The following ERBB4 variants were observed in gnomAD, a reference collection of about 807,000 sequenced individuals.
ERBB4 encodes erb-b2 receptor tyrosine kinase 4.
Under a neutral mutation model 158.0 loss-of-function variants are expected in ERBB4, and 42 were observed. The observed-to-expected ratio is 0.27, with a 90% CI of 0.21 to 0.34. The LOEUF is 0.34. Among genes scored for constraint, ERBB4 ranks in the 10% least tolerant of loss-of-function variants. ERBB4 has a pLI of 1.00. For missense variants in ERBB4, 1,333 were observed against 1,624.1 expected, an observed-to-expected ratio of 0.82 and a Z score of 3.08; for synonymous variants, 583 against 558.7, an observed-to-expected ratio of 1.04 and a Z score of -0.61.
chr2:211,957,990 T>C (rs903266309), intron 2 of ERBB4, among the ~76,000 whole-genome samples: 2 of 152,088 alleles, frequency 1.3e-5, no homozygotes, highest in African/African-American at 4.8e-5. Flanking sequence ...CCTTTGAGGA[T>C]GCAAAAGTTA....
chr2:212,512,288 C>T (rs951875520), intron 1 of ERBB4, among the ~76,000 whole-genome samples: 2 of 151,626 alleles, frequency 1.3e-5, no homozygotes, highest in Admixed American at 6.6e-5. Context: ...AAGTACTTAA[C>T]CTCTCTTTAT....
intron 20 of ERBB4, among the ~76,000 whole-genome samples, chr2:211,436,016 G>A (rs1052571876): frequency 6.6e-6 from 1 of 151,956 alleles, no homozygotes; most frequent in African/African-American, 2.4e-5. Context: ...GAGTGCAGTG[G>A]CATGATCAGG....
chr2:212,019,752 A>G (rs1358132060), intron 2 of ERBB4, among the ~76,000 whole-genome samples: 1 of 100,052 alleles, frequency 1.0e-5, no homozygotes, highest in Non-Finnish European at 2.0e-5. Flanking sequence ...ACAAAGCAAC[A>G]TTCTGTAAAA....
At chr2:211,423,342 T>C (rs2063551705) in intron 23 of ERBB4, among the ~76,000 whole-genome samples, 1 of 151,960 alleles carries the variant, frequency 6.6e-6, no homozygotes, top group East Asian at 1.9e-4. Context: ...GGGTCCAAAG[T>C]CTCTTATTAA....
intron 1 of ERBB4, among the ~76,000 whole-genome samples, chr2:212,140,422 T>TTA (rs59116532): frequency 0.076 from 11,139 of 146,828 alleles, 824 homozygotes; most frequent in African/African-American, 0.19. Flanking sequence ...TATATATATG[T>TTA]TATATATATA....
chr2:211,416,013 C>CTCTG (rs1223196928), intron 25 of ERBB4, among the ~76,000 whole-genome samples: 5 of 152,166 alleles, frequency 3.3e-5, no homozygotes, highest in African/African-American at 1.2e-4. Context: ...GCTACAATTT[C>CTCTG]TCTGTCTTCC....
At chr2:212,389,196 T>C (rs990444285) in intron 1 of ERBB4, among the ~76,000 whole-genome samples, 1 of 152,054 alleles carries the variant, frequency 6.6e-6, no homozygotes, top group East Asian at 1.9e-4. Flanking sequence ...GTGATGTAGT[T>C]ACATAATGAT....
At chr2:211,826,202 A>C (rs986516014) in intron 3 of ERBB4, among the ~76,000 whole-genome samples, 1 of 151,764 alleles carries the variant, frequency 6.6e-6, no homozygotes, top group African/African-American at 2.4e-5. Context: ...GAATTGCACA[A>C]AATTAGTAAG....
intron 15 of ERBB4, among the ~76,000 whole-genome samples, chr2:211,658,221 A>C (rs918466371): frequency 5.3e-5 from 8 of 152,236 alleles, no homozygotes; most frequent in African/African-American, 1.7e-4. Flanking sequence ...GAAATTTTAC[A>C]CTGGTTCTGT....
chr2:212,111,022 T>TTCCC (rs2079388425), intron 2 of ERBB4, among the ~76,000 whole-genome samples: 1 of 152,190 alleles, frequency 6.6e-6, no homozygotes, highest in Non-Finnish European at 1.5e-5. Flanking sequence ...GCAAAGCACA[T>TTCCC]TTCCAATGAG....
At chr2:212,112,446 TA>T (rs1288817640) in intron 2 of ERBB4, among the ~76,000 whole-genome samples, 1 of 151,662 alleles carries the variant, frequency 6.6e-6, no homozygotes, top group South Asian at 2.1e-4. Flanking sequence ...ATTTTTATTT[TA>T]TTTTTTTTTT....
chr2:211,390,099 C>T (rs531493021), intron 25 of ERBB4, among the ~76,000 whole-genome samples: 9 of 152,110 alleles, frequency 5.9e-5, no homozygotes, highest in African/African-American at 9.7e-5. Flanking sequence ...AGTGATAGTA[C>T]AGGAAATATG....
chr2:212,090,720 T>C (rs991258152), intron 2 of ERBB4, among the ~76,000 whole-genome samples: 10 of 152,304 alleles, frequency 6.6e-5, no homozygotes, highest in East Asian at 5.8e-4. Context: ...GTCTGTCCAC[T>C]TCAGATGCTA....
At chr2:212,174,418 T>C (rs2081602552) in intron 1 of ERBB4, among the ~76,000 whole-genome samples, 1 of 152,108 alleles carries the variant, frequency 6.6e-6, no homozygotes, top group East Asian at 1.9e-4. Flanking sequence ...TTAAATGCTA[T>C]TTCAGAATAG....
At chr2:212,451,645 T>C (rs559108912) in intron 1 of ERBB4, among the ~76,000 whole-genome samples, 52 of 152,304 alleles carry the variant, frequency 3.4e-4, no homozygotes, top group African/African-American at 1.1e-3. Context: ...AACCTAACAG[T>C]GCTACACAAA....
intron 2 of ERBB4, among the ~76,000 whole-genome samples, chr2:211,984,454 G>A (rs1053100676): frequency 2.0e-5 from 3 of 152,026 alleles, no homozygotes; most frequent in African/African-American, 7.2e-5. Flanking sequence ...ATTTTCAAAG[G>A]TACAGCAAAA....
intron 20 of ERBB4, among the ~76,000 whole-genome samples, chr2:211,506,268 G>T (rs892167690): frequency 6.6e-6 from 1 of 151,992 alleles, no homozygotes; most frequent in African/African-American, 2.4e-5. Context: ...TAAAACAAAT[G>T]CTACTAGACC....
rs755402412 is a variant in ERBB4 at position 211,820,052 on chromosome 2, G to C, written c.422-31893C>G. ...TCAGTTTAAGGTGCTTGTGGGAAAT[G>C]TTTCACATTCAAATCATTAACCATT... On this transcript the variant is annotated intron_variant, in intron 3 of 27. Transcript: ENST00000342788. Among the ~76,000 whole-genome samples the C allele has an allele frequency of 1.4e-4, 21 of 151,928 alleles. 1 individual carries two copies. Among genetic ancestry groups the C allele is most frequent in the Middle Eastern group, 3.4e-3 (1 of 294 alleles).
At chr2:211,565,331 G>A (rs1380954344) in intron 19 of ERBB4, among the ~76,000 whole-genome samples, 2 of 152,168 alleles carry the variant, frequency 1.3e-5, no homozygotes, top group African/African-American at 4.8e-5. Flanking sequence ...GTGGTGATGG[G>A]AATGGAGTGA....
Sources: allele counts gnomAD v4.1 joint callset (sites outside exome capture counted in the v4.1 genomes callset), GRCh38; gene constraint gnomAD v4.1.1; transcripts MANE v1.5; gene names NCBI Gene and HGNC (gene_info 2026-07-23, HGNC 2026-07-21).